Variants in FOXP2 observed in about 807,000 individuals in gnomAD.
FOXP2 encodes the protein forkhead box P2.
A neutral mutation model predicts 115.8 loss-of-function variants in FOXP2; 12 were observed. The ratio of observed to expected loss-of-function variants is 0.10; its 90% CI spans 0.07 to 0.17. The LOEUF (loss-of-function observed/expected upper bound fraction) is 0.17. Ranked by LOEUF, FOXP2 falls within the 10% of genes least tolerant of loss-of-function variation. The pLI is 1.00. For synonymous variants in FOXP2, 328 were observed against 297.7 expected, an observed-to-expected ratio of 1.10 and a Z score of -1.05; for missense variants, 629 against 843.5, an observed-to-expected ratio of 0.75 and a Z score of 3.15.
intron 1 of FOXP2, among the ~76,000 whole-genome samples, chr7:114,146,074 A>G (rs1325733472): frequency 6.6e-6 from 1 of 152,164 alleles, no homozygotes; most frequent in Non-Finnish European, 1.5e-5. Flanking sequence ...GTAAAGTGAA[A>G]CTTGTACCTT....
At chr7:114,452,325 T>TA (rs1272720233) in intron 2 of FOXP2, among the ~76,000 whole-genome samples, 18 of 151,434 alleles carry the variant, frequency 1.2e-4, no homozygotes, top group Admixed American at 8.6e-4. Flanking sequence ...ATGTGCAACT[T>TA]AAAAAAAAAT....
intron 3 of FOXP2, among the ~76,000 whole-genome samples, chr7:114,573,158 G>C (rs1281550552): frequency 6.6e-6 from 1 of 151,648 alleles, no homozygotes; most frequent in Non-Finnish European, 1.5e-5. Flanking sequence ...ACTTCATCTT[G>C]GTCATTGAGT....
chr7:114,135,319 A>G (rs892008320), intron 1 of FOXP2, among the ~76,000 whole-genome samples: 1 of 152,148 alleles, frequency 6.6e-6, no homozygotes, highest in East Asian at 1.9e-4. Context: ...ACTAAAACCT[A>G]TTTTGTAGGT....
chr7:114,555,079 CTTT>C (rs1194854912), intron 3 of FOXP2, among the ~76,000 whole-genome samples: 2 of 152,102 alleles, frequency 1.3e-5, no homozygotes, highest in Non-Finnish European at 2.9e-5. Flanking sequence ...GTTCCCATTA[CTTT>C]TTTAATACTT....
intron 2 of FOXP2, among the ~76,000 whole-genome samples, chr7:114,485,042 C>T (rs1796715732): frequency 6.6e-6 from 1 of 151,716 alleles, no homozygotes; most frequent in African/African-American, 2.4e-5. Context: ...TTATGCATAG[C>T]TGAGAATCCT....
chr7:114,369,510 A>T (rs2129189035), intron 2 of FOXP2, among the ~76,000 whole-genome samples: 1 of 152,260 alleles, frequency 6.6e-6, no homozygotes, highest in Non-Finnish European at 1.5e-5. Context: ...TGCTCAGAGT[A>T]AGCTGATCTT....
chr7:114,459,065 T>TG (rs1029404169), intron 2 of FOXP2, among the ~76,000 whole-genome samples: 26 of 152,278 alleles, frequency 1.7e-4, no homozygotes, highest in African/African-American at 5.3e-4. Flanking sequence ...TTCCCAATGT[T>TG]GTCTCTCATT....
chr7:114,319,378 T>C (rs1797355273), intron 2 of FOXP2, among the ~76,000 whole-genome samples: 1 of 152,184 alleles, frequency 6.6e-6, no homozygotes, highest in South Asian at 2.1e-4. Context: ...CAAGACTCTC[T>C]TTGTATTACA....
intron 2 of FOXP2, among the ~76,000 whole-genome samples, chr7:114,378,513 C>T (rs771372850): frequency 5.9e-5 from 9 of 151,352 alleles, no homozygotes; most frequent in Non-Finnish European, 1.3e-4. Flanking sequence ...AGGAGACCTT[C>T]TCTCTACAAA....
At chr7:114,099,366 A>G (rs1799724405) in intron 1 of FOXP2, among the ~76,000 whole-genome samples, 2 of 152,184 alleles carry the variant, frequency 1.3e-5, no homozygotes, top group Non-Finnish European at 2.9e-5. Flanking sequence ...CAAAAAGTCA[A>G]AAGATAACAA....
chr7:114,281,527 A>G (rs1796336112), intron 1 of FOXP2, among the ~76,000 whole-genome samples: 1 of 152,116 alleles, frequency 6.6e-6, no homozygotes, highest in African/African-American at 2.4e-5. Flanking sequence ...ACCTACAACT[A>G]ACTGTCCCAG....
At chr7:114,591,667 A>G (rs184953811) in intron 3 of FOXP2, among the ~76,000 whole-genome samples, 1 of 152,088 alleles carries the variant, frequency 6.6e-6, no homozygotes, top group African/African-American at 2.4e-5. Flanking sequence ...TAGTCTATAA[A>G]ATGGGGGTAA....
At chr7:114,304,758 G>A (rs1340515025) in intron 2 of FOXP2, among the ~76,000 whole-genome samples, 1 of 148,256 alleles carries the variant, frequency 6.7e-6, no homozygotes, top group Non-Finnish European at 1.5e-5. Context: ...TATAATCCAT[G>A]TTCTCTTAAT....
intron 1 of FOXP2, among the ~76,000 whole-genome samples, chr7:114,281,413 TTAAAGTATTTTTACC>T (rs1796334724): frequency 6.6e-6 from 1 of 152,118 alleles, no homozygotes; most frequent in Non-Finnish European, 1.5e-5. Flanking sequence ...AAATTTGATT[TTAAAGTATTTTTACC>T]TGTTTTGTGT....
Position 114,690,399 on chromosome 7 carries a change from T to A in FOXP2, c.*473T>A, listed in dbSNP as rs756431980. 1 of 453,962 alleles carries A rather than the reference T, an allele frequency of 2.2e-6. No individual in the cohort carries two copies. The highest frequency in any genetic ancestry group is 4.4e-6 in the Non-Finnish European group (1 of 226,778). The allele number at this position is 453,962 out of a possible 1,614,324, so 28.1% of individuals were successfully genotyped here. ...GCTGGTCAAGTTCAACTTGTTGCTATTGTTTTTAATTTGCACAGGAGTAGT... is the reference window on the plus strand; with the variant it reads ...GCTGGTCAAGTTCAACTTGTTGCTAATGTTTTTAATTTGCACAGGAGTAGT... On this transcript the variant is annotated 3_prime_UTR_variant, in exon 17 of 17. Transcript: ENST00000350908.
chr7:114,273,591 A>G (rs925074076), intron 1 of FOXP2, among the ~76,000 whole-genome samples: 6 of 151,960 alleles, frequency 3.9e-5, no homozygotes, highest in African/African-American at 1.4e-4. Context: ...TTTTCTTGCC[A>G]ATTTATCAAT....
chr7:114,270,463 C>T (rs1796008180), intron 1 of FOXP2, among the ~76,000 whole-genome samples: 1 of 152,132 alleles, frequency 6.6e-6, no homozygotes, highest in Admixed American at 6.6e-5. Flanking sequence ...TTCTGTTGCT[C>T]CACATCCTTG....
At chr7:114,622,877 C>T (rs1159767536) in intron 3 of FOXP2, among the ~76,000 whole-genome samples, 7 of 151,926 alleles carry the variant, frequency 4.6e-5, no homozygotes, top group African/African-American at 1.7e-4. Context: ...AAAGTAGTCT[C>T]CCAGTAATTC....
chr7:114,187,750 G>C (rs545362680), intron 1 of FOXP2, among the ~76,000 whole-genome samples: 93 of 152,114 alleles, frequency 6.1e-4, no homozygotes, highest in Non-Finnish European at 1.2e-3. Flanking sequence ...TTGTGCTGCT[G>C]TAACAGAATA....
Sources: allele counts gnomAD v4.1 joint callset (sites outside exome capture counted in the v4.1 genomes callset), GRCh38; gene constraint gnomAD v4.1.1; transcripts MANE v1.5; gene names NCBI Gene and HGNC (gene_info 2026-07-23, HGNC 2026-07-21).